The following PAK4 variants were observed in gnomAD, a reference collection of about 807,000 sequenced individuals.
PAK4 encodes p21 (RAC1) activated kinase 4.
In PAK4, 49 loss-of-function variants were observed where a neutral mutation model predicts 53.5. The observed-to-expected ratio is 0.92, with a 90% CI of 0.73 to 1.16. PAK4 has a LOEUF of 1.16. Ranked by LOEUF, PAK4 falls within the 50% of genes most tolerant of loss-of-function variation. The pLI is 0.00. For synonymous variants in PAK4, 376 were observed against 375.6 expected (o/e 1.00, Z -0.01); for missense variants, 824 against 850.7 (o/e 0.97, Z 0.39).
intron 1 of PAK4, among the ~76,000 whole-genome samples, chr19:39,151,476 C>T (rs184595551): frequency 6.6e-6 from 1 of 152,322 alleles, no homozygotes; most frequent in East Asian, 1.9e-4. Context: ...GGACATTTAC[C>T]CACAGACAAA....
chr19:39,176,542 T>A, intron 6 of PAK4, 48 bp from the exon 8 acceptor site: 1 of 1,612,266 alleles, frequency 6.2e-7, no homozygotes, highest in Non-Finnish European at 8.5e-7. Flanking sequence ...CTGCTCGCCC[T>A]CCTGCTGTGC....
At chr19:39,181,971 A>T (rs905295989), downstream of PAK4, 1 of 152,142 alleles carries the variant, frequency 6.6e-6, no homozygotes, top group Non-Finnish European at 1.5e-5. Context: ...CACGCAAATA[A>T]ATCCCTGTGT....
chr19:39,177,787 C>T (rs1165613695), exon 8 of PAK4: 1 of 1,613,202 alleles, frequency 6.2e-7, no homozygotes, highest in African/African-American at 1.3e-5. Context: ...AACCTGCCAC[C>T]CCGACTGAAG....
intron 1 of PAK4, among the ~76,000 whole-genome samples, chr19:39,165,890 G>A (rs1258056344): frequency 1.3e-5 from 2 of 152,228 alleles, no homozygotes; most frequent in East Asian, 3.9e-4. Flanking sequence ...GGCCACCTGG[G>A]TTAATGAGGT....
In PAK4 at chr19:39,167,139, G is replaced by C. The variant is rs553781931; in HGVS notation, c.-22-2393G>C. 2.9e-4 allele frequency among the ~76,000 whole-genome samples: 44 copies of C among 152,334 alleles called. No homozygotes were observed. The South Asian group carries it at 9.1e-3, about 32-fold the overall frequency. On this transcript the variant is annotated intron_variant, in intron 1 of 8. Coordinates refer to ENST00000358301, the Ensembl canonical transcript of PAK4. Reference sequence around the variant, plus strand: ...CCCCCACCTCAGGGTCTGCCCCGCTGTCCGCCCTCCGGGCTTAGTGAGGGG... The same window carrying C: ...CCCCCACCTCAGGGTCTGCCCCGCTCTCCGCCCTCCGGGCTTAGTGAGGGG...
intron 1 of PAK4, among the ~76,000 whole-genome samples, chr19:39,141,662 TCTCA>T (rs2073912072): frequency 1.3e-5 from 2 of 151,258 alleles, no homozygotes; most frequent in Admixed American, 1.3e-4. Flanking sequence ...TGAGACAGAG[TCTCA>T]CTCTGTCTCC....
At chr19:39,151,477 CACAG>C (rs2074093414) in intron 1 of PAK4, among the ~76,000 whole-genome samples, 2 of 150,196 alleles carry the variant, frequency 1.3e-5, no homozygotes, top group South Asian at 2.1e-4. Flanking sequence ...GACATTTACC[CACAG>C]ACAAACTTGC....
At chr19:39,135,205 C>T (rs2073787848) in intron 1 of PAK4, 1 of 152,124 alleles carries the variant, frequency 6.6e-6, no homozygotes, top group African/African-American at 2.4e-5. Flanking sequence ...TTCTTTTTTC[C>T]TGCAAAAGTA....
downstream of PAK4, chr19:39,180,406 T>TA (rs2074688416): frequency 1.3e-5 from 2 of 151,166 alleles, no homozygotes; most frequent in Admixed American, 6.6e-5. Context: ...CACTCCAGAA[T>TA]AAATAAAAGG....
At chr19:39,126,593 T>A (rs1227936168) in intron 1 of PAK4, among the ~76,000 whole-genome samples, 2 of 152,070 alleles carry the variant, frequency 1.3e-5, no homozygotes, top group Non-Finnish European at 2.9e-5. Context: ...TATTCAGTCC[T>A]CACTATAGTC....
chr19:39,146,033 C>T (rs1326205299), intron 1 of PAK4, among the ~76,000 whole-genome samples: 2 of 152,366 alleles, frequency 1.3e-5, no homozygotes, highest in Non-Finnish European at 2.9e-5. Flanking sequence ...TTCATCCATG[C>T]AAAGCCTTCG....
At chr19:39,131,321 G>T (rs1000675774) in intron 1 of PAK4, among the ~76,000 whole-genome samples, 3 of 152,216 alleles carry the variant, frequency 2.0e-5, no homozygotes, top group Non-Finnish European at 4.4e-5. Context: ...GTTTCTGGGC[G>T]CTGGGTCCCT....
chr19:39,175,933 G>A lies in PAK4; in HGVS notation c.1359+495G>A, dbSNP rs540033966. On this transcript the variant is annotated intron_variant, in intron 6 of 8. Coordinates refer to ENST00000358301, the Ensembl canonical transcript of PAK4. The surrounding 1 kb of genome is among the most constrained non-coding windows in gnomAD (Gnocchi z 4.7). Reference sequence around the variant, plus strand: ...TGACTCCATCCCCTCCCCCAAGGAAGATTAAGCCACACCATTAGTCCAGGC... The same window carrying A: ...TGACTCCATCCCCTCCCCCAAGGAAAATTAAGCCACACCATTAGTCCAGGC... Among the ~76,000 whole-genome samples the A allele has an allele frequency of 2.0e-5, 3 of 152,332 alleles. No individual in the cohort carries two copies. The East Asian group carries it at 5.8e-4, about 29-fold the overall frequency.
In PAK4 at chr19:39,173,206, G is replaced by A; in HGVS notation, c.493G>A (p.Glu165Lys). 6.4e-7 allele frequency: 1 copy of A among 1,553,288 alleles called. No individual in the cohort carries two copies. The highest frequency in any genetic ancestry group is 1.9e-5 in the Admixed American group (1 of 51,622). Residue 165 changes from glutamate to lysine, a missense_variant, in exon 3 of 9, where the codon GAG becomes AAG. By Grantham distance (56) the Glu-to-Lys change is moderately conservative. This residue lies in a region of PAK4 where 478 missense variants were observed against 435.8 expected (regional missense o/e 1.10). Coordinates refer to ENST00000358301, the Ensembl canonical transcript of PAK4. This position sits in a 1 kb window ranked among gnomAD's most constrained non-coding sequence, Gnocchi z 6.9. ...AGAGAAGAGGCCCAAGTCTTCCAGG[G>A]AGGGCTCAGGGGGTCCCCAGGAGTC...
rs544605635 is a variant in PAK4, at chr19:39,132,796, C to T, written c.-23+6877C>T. Among the ~76,000 whole-genome samples, 3 of 152,358 alleles carry T rather than the reference C, an allele frequency of 2.0e-5. No homozygotes were observed. The South Asian group carries it at 6.2e-4, about 32-fold the overall frequency. The stretch of plus-strand genomic sequence containing the variant: ...CCAGTGTCTGATGACACCGGGGTTT[C>T]CTCACTCCCTTGCTGGAATAGACGG... On this transcript the variant is annotated intron_variant, in intron 1 of 8. Coordinates refer to ENST00000358301, the Ensembl canonical transcript of PAK4.
chr19:39,173,727 C>T lies in PAK4; in HGVS notation c.815C>T (p.Ala272Val), dbSNP rs1600404739. The stretch of plus-strand genomic sequence containing the variant: ...CCCCACGCCTCAGAGCCCCAGCTGG[C>T]CCCTCCAGCCTGCACCCCCGCCGCC... The change falls in exon 4 of 9, where the codon GCC (alanine) becomes GTC (valine). Residue 272 changes from alanine (A) to valine (V), a missense_variant. Ala to Val is a moderately conservative substitution (Grantham distance 64, BLOSUM62 0). Around this residue, in one of 2 missense-constraint regions of PAK4, gnomAD observed 478 missense variants for 435.8 expected, o/e 1.10. Transcript: ENST00000358301. This position sits in a 1 kb window ranked among gnomAD's most constrained non-coding sequence, Gnocchi z 6.9. 1 of 1,575,554 alleles carries T rather than the reference C, an allele frequency of 6.3e-7. No homozygotes were observed. Among genetic ancestry groups the T allele is most frequent in the East Asian group, 2.4e-5 (1 of 42,486 alleles).
chr19:39,174,297 C>T (rs576262893), intron 4 of PAK4, among the ~76,000 whole-genome samples: 1 of 151,870 alleles, frequency 6.6e-6, no homozygotes, highest in African/African-American at 2.4e-5. Context: ...CACTGAGGCC[C>T]GCCTGGGCTC....
rs748847669 is a variant in PAK4 at position 39,175,330 on chromosome 19, C to G, written c.1251C>G (p.Ile417Met). Residue 417 changes from isoleucine to methionine, a missense_variant, in exon 6 of 9, where the codon ATC (isoleucine) becomes ATG (methionine). Physicochemically the swap from Ile to Met is conservative, Grantham distance 10 (BLOSUM62 1). Around this residue, in one of 2 missense-constraint regions of PAK4, gnomAD observed 346 missense variants for 415.0 expected, o/e 0.83. Coordinates refer to ENST00000358301, the Ensembl canonical transcript of PAK4. This position sits in a 1 kb window ranked among gnomAD's most constrained non-coding sequence, Gnocchi z 4.7. ...CCCGCAGGATGAACGAGGAGCAGATCGCGGCCGTGTGCCTTGCAGTGCTGC... is the reference window on the plus strand; with the variant it reads ...CCCGCAGGATGAACGAGGAGCAGATGGCGGCCGTGTGCCTTGCAGTGCTGC... 6.3e-6 allele frequency: 10 copies of G among 1,587,838 alleles called. No homozygotes were observed. Among genetic ancestry groups the G allele is most frequent in the Non-Finnish European group, 3.4e-6 (4 of 1,167,696 alleles).
chr19:39,173,658 C>G lies in PAK4; in HGVS notation c.746C>G (p.Pro249Arg). The G allele has an allele frequency of 6.3e-7, 1 of 1,587,260 alleles. No individual in the cohort carries two copies. The highest frequency in any genetic ancestry group is 1.3e-5 in the African/African-American group (1 of 74,390). ...CAGTCCTCCTCCTCCTCCTCCCGGC[C>G]TCCCACCCGAGCCCGAGGTGCCCCC... is the stretch of plus-strand genomic sequence containing the variant. Residue 249 changes from proline (P) to arginine (R), a missense_variant, in exon 4 of 9, where the codon CCT (proline) becomes CGT (arginine). Pro to Arg is a moderately radical substitution (Grantham distance 103). This residue lies in a region of PAK4 where 478 missense variants were observed against 435.8 expected (regional missense o/e 1.10). Transcript: ENST00000358301. The surrounding 1 kb of genome is among the most constrained non-coding windows in gnomAD (Gnocchi z 6.9).
Sources: allele counts gnomAD v4.1 joint callset (sites outside exome capture counted in the v4.1 genomes callset), GRCh38; gene constraint gnomAD v4.1.1; regional missense constraint gnomAD v4.1.1; non-coding constraint Gnocchi (gnomAD v3.1); transcripts MANE v1.5; gene names NCBI Gene and HGNC (gene_info 2026-07-23, HGNC 2026-07-21).